Variants in CDYL observed in about 807,000 individuals in gnomAD.
The protein encoded by CDYL is chromodomain Y-like protein.
In CDYL, 8 loss-of-function variants were observed where a neutral mutation model predicts 47.3. That is an observed-to-expected ratio of 0.17 (90% CI 0.10 to 0.31). CDYL has a LOEUF of 0.31. Ranked by LOEUF, CDYL falls within the 10% of genes least tolerant of loss-of-function variation. CDYL has a pLI of 1.00. For missense variants in CDYL, 471 were observed against 701.4 expected, an observed-to-expected ratio of 0.67 and a Z score of 3.71; for synonymous variants, 266 against 265.0, an observed-to-expected ratio of 1.00 and a Z score of -0.04.
At chr6:4,888,909 G>A (rs1581237467) in intron 1 of CDYL, among the ~76,000 whole-genome samples, 1 of 152,238 alleles carries the variant, frequency 6.6e-6, no homozygotes, top group East Asian at 1.9e-4. Flanking sequence ...CAACTTCTTT[G>A]TTATTTTCAG....
At chr6:4,928,473 A>G (rs1314210223) in intron 2 of CDYL, among the ~76,000 whole-genome samples, 1 of 152,204 alleles carries the variant, frequency 6.6e-6, no homozygotes, top group African/African-American at 2.4e-5. Flanking sequence ...CTTCCCCTTG[A>G]ACTAAGCTAT....
intron 1 of CDYL, among the ~76,000 whole-genome samples, chr6:4,883,402 G>A (rs764142397): frequency 7.9e-5 from 12 of 152,164 alleles, no homozygotes; most frequent in African/African-American, 1.7e-4. Flanking sequence ...CTCTGGTGAC[G>A]ATTTGGTGCA....
intron 2 of CDYL, among the ~76,000 whole-genome samples, chr6:4,722,186 C>T (rs1757383442): frequency 6.6e-6 from 1 of 152,084 alleles, no homozygotes; most frequent in South Asian, 2.1e-4. Flanking sequence ...ACTTCAGAGG[C>T]CAGGCACAGT....
At chr6:4,715,947 T>C (rs1258674768) in intron 2 of CDYL, 5 of 1,561,142 alleles carry the variant, frequency 3.2e-6, no homozygotes, top group Admixed American at 1.9e-5. Context: ...AGGCCCCTTT[T>C]ATTTAAAAAT....
intron 3 of CDYL, among the ~76,000 whole-genome samples, chr6:4,758,164 A>G (rs1004086497): frequency 1.3e-5 from 2 of 150,524 alleles, no homozygotes; most frequent in Non-Finnish European, 2.9e-5. Flanking sequence ...ATATGGTGAA[A>G]TCCTGTCTCT....
At chr6:4,856,028 A>G (rs1226394436) in intron 1 of CDYL, among the ~76,000 whole-genome samples, 2 of 152,206 alleles carry the variant, frequency 1.3e-5, no homozygotes, top group Non-Finnish European at 2.9e-5. Flanking sequence ...TGACACATTA[A>G]AAGTGTTATG....
intron 2 of CDYL, among the ~76,000 whole-genome samples, chr6:4,722,580 A>T (rs1757392302): frequency 6.6e-6 from 1 of 152,224 alleles, no homozygotes; most frequent in African/African-American, 2.4e-5. Context: ...AAACTGTTTT[A>T]AAGTCCACAG....
At chr6:4,736,799 CTT>C (rs1757712271) in intron 3 of CDYL, among the ~76,000 whole-genome samples, 1 of 152,064 alleles carries the variant, frequency 6.6e-6, no homozygotes, top group Admixed American at 6.6e-5. Context: ...TGAATCCTCT[CTT>C]TGCAAAAGAC....
intron 1 of CDYL, among the ~76,000 whole-genome samples, chr6:4,867,757 G>A (rs1581223332): frequency 6.9e-6 from 1 of 145,630 alleles, no homozygotes; most frequent in African/African-American, 2.6e-5. Flanking sequence ...ATATTGTTTT[G>A]TAGGTTGTTG....
At chr6:4,922,995 T>C (rs1043874984) in intron 2 of CDYL, among the ~76,000 whole-genome samples, 8 of 152,246 alleles carry the variant, frequency 5.3e-5, no homozygotes, top group Non-Finnish European at 1.0e-4. Context: ...ATTACAATTA[T>C]TATGTACAAT....
At chr6:4,754,383 A>G (rs555524426) in intron 3 of CDYL, among the ~76,000 whole-genome samples, 18 of 152,188 alleles carry the variant, frequency 1.2e-4, no homozygotes, top group Non-Finnish European at 2.6e-4. Flanking sequence ...GCTTTGTAAG[A>G]TCTCTTAAAT....
chr6:4,839,675 T>G (rs1383314352), intron 1 of CDYL, among the ~76,000 whole-genome samples: 2 of 152,242 alleles, frequency 1.3e-5, no homozygotes, highest in African/African-American at 2.4e-5. Context: ...TTAAATAAGG[T>G]GTCCTTTCCC....
chr6:4,768,418 C>G (rs1040398546), intron 3 of CDYL, among the ~76,000 whole-genome samples: 42 of 152,028 alleles, frequency 2.8e-4, no homozygotes, highest in African/African-American at 9.7e-4. Flanking sequence ...AGGAAGTGAT[C>G]AAAATATACA....
chr6:4,945,468 C>A (rs1758484465), intron 5 of CDYL, among the ~76,000 whole-genome samples: 1 of 152,198 alleles, frequency 6.6e-6, no homozygotes, highest in Admixed American at 6.5e-5. Context: ...TCACCCATAG[C>A]TCCCACCTCT....
intron 3 of CDYL, among the ~76,000 whole-genome samples, chr6:4,757,796 G>A (rs1486041320): frequency 6.6e-6 from 1 of 152,116 alleles, no homozygotes; most frequent in Non-Finnish European, 1.5e-5. Context: ...CAGCACTGTG[G>A]GAGGCCGAGG....
intron 1 of CDYL, among the ~76,000 whole-genome samples, chr6:4,851,571 C>T (rs914469728): frequency 6.6e-5 from 10 of 152,120 alleles, no homozygotes; most frequent in African/African-American, 2.4e-4. Flanking sequence ...TAGAAACAGA[C>T]GATTTGCTCG....
intron 1 of CDYL, among the ~76,000 whole-genome samples, chr6:4,779,656 A>G (rs1681761059): frequency 6.6e-6 from 1 of 152,224 alleles, no homozygotes. Context: ...CTACTTTTCC[A>G]GCTGCTAGGA....
intron 1 of CDYL, among the ~76,000 whole-genome samples, chr6:4,781,384 G>A (rs976998149): frequency 1.3e-5 from 2 of 152,162 alleles, no homozygotes; most frequent in Non-Finnish European, 1.5e-5. Context: ...CTAGGTCAGC[G>A]TATGTTGTAT....
intron 1 of CDYL, among the ~76,000 whole-genome samples, chr6:4,712,843 C>T (rs1757176388): frequency 6.6e-6 from 1 of 152,180 alleles, no homozygotes; most frequent in Non-Finnish European, 1.5e-5. Context: ...TTCACTCTGC[C>T]ATTTACCAAG....
Sources: gnomAD v4.1 joint callset for allele counts (sites outside exome capture counted in the v4.1 genomes callset) on GRCh38, gnomAD v4.1.1 for gene constraint, MANE v1.5 for transcripts, NCBI Gene and HGNC (gene_info 2026-07-23, HGNC 2026-07-21) for gene names.